CDH4: variants seen among roughly 807,000 people sequenced by gnomAD.
CDH4 encodes the protein cadherin 4.
A neutral mutation model predicts 86.0 loss-of-function variants in CDH4; 33 were observed. The observed-to-expected ratio is 0.38, with a 90% confidence interval of 0.29 to 0.51. The LOEUF (loss-of-function observed/expected upper bound fraction) is 0.51. Among genes scored for constraint, CDH4 ranks in the 20% least tolerant of loss-of-function variants. The pLI is 0.86. For synonymous variants in CDH4, 555 were observed against 549.4 expected (o/e 1.01, Z -0.14); for missense variants, 1,114 against 1,307.4 (o/e 0.85, Z 2.28).
intron 2 of CDH4, among the ~76,000 whole-genome samples, chr20:61,626,014 G>A (rs1568720110): frequency 6.6e-6 from 1 of 152,254 alleles, no homozygotes; most frequent in Non-Finnish European, 1.5e-5. Context: ...TGAGTGCTGG[G>A]CTGGCATGGG....
At chr20:61,503,198 C>T (rs1267187070) in intron 2 of CDH4, among the ~76,000 whole-genome samples, 4 of 152,222 alleles carry the variant, frequency 2.6e-5, no homozygotes, top group African/African-American at 7.2e-5. Context: ...ACGGGATATA[C>T]GTGATCAGGG....
chr20:61,590,876 TG>T (rs71185923), intron 2 of CDH4, among the ~76,000 whole-genome samples: 2,790 of 137,534 alleles, frequency 0.02, 110 homozygotes, highest in African/African-American at 0.052. Context: ...CCTAAATCTA[TG>T]GGGGGGGGGG....
At chr20:61,869,519 C>T (rs1983703985) in intron 6 of CDH4, among the ~76,000 whole-genome samples, 2 of 152,252 alleles carry the variant, frequency 1.3e-5, no homozygotes, top group Admixed American at 6.5e-5. Context: ...GACCCAGCCA[C>T]GTTCCTCGTC....
chr20:61,271,153 G>A (rs937015596), intron 2 of CDH4, among the ~76,000 whole-genome samples: 1 of 152,152 alleles, frequency 6.6e-6, no homozygotes, highest in African/African-American at 2.4e-5. Flanking sequence ...ACTCTCCAGG[G>A]TTTTAAAGGG....
intron 2 of CDH4, among the ~76,000 whole-genome samples, chr20:61,535,687 AG>A (rs2085990970): frequency 6.6e-6 from 1 of 152,028 alleles, no homozygotes; most frequent in African/African-American, 2.4e-5. Flanking sequence ...CCCTTCTGAG[AG>A]GGGGCCCGGG....
Position 61,684,369 on chromosome 20 carries a change from G to C in CDH4, c.170-59194G>C, listed in dbSNP as rs1227678407. Among the ~76,000 whole-genome samples the C allele has an allele frequency of 6.6e-6, 1 of 152,200 alleles. No homozygotes were observed. The highest frequency in any genetic ancestry group is 1.9e-4 in the East Asian group (1 of 5,194). ...GGAAGCAGCAAGCGCGGAGCACGTG[G>C]CCTCAACCTCCGTCTTGCTTATGCT... On this transcript the variant is annotated intron_variant, in intron 2 of 15. Transcript: ENST00000614565. The surrounding 1 kb of genome is among the most constrained non-coding windows in gnomAD (Gnocchi z 4.5).
Position 61,573,642 on chromosome 20 carries a change from TG to T in CDH4, c.170-169920del, listed in dbSNP as rs148493022. 7.9e-4 allele frequency among the ~76,000 whole-genome samples: 120 copies of T among 152,172 alleles called. 1 individual carries two copies. The East Asian group carries it at 0.021, about 27-fold the overall frequency. On this transcript the variant is annotated intron_variant, in intron 2 of 15. Coordinates refer to ENST00000614565, the MANE Select transcript of CDH4 (RefSeq NM_001794.5). ...CTCCTGGCTTGCAGCACAGTGGCCC[TG>T]ATGTTCCGCTGAGCAGCATGAGCCT...
chr20:61,352,683 GAT>G (rs2084719783), intron 2 of CDH4, among the ~76,000 whole-genome samples: 1 of 152,178 alleles, frequency 6.6e-6, no homozygotes, highest in Non-Finnish European at 1.5e-5. Flanking sequence ...CTTGGATGGA[GAT>G]GTTCTCTAGG....
At chr20:61,593,913 T>C (rs936812339) in intron 2 of CDH4, among the ~76,000 whole-genome samples, 2 of 150,930 alleles carry the variant, frequency 1.3e-5, no homozygotes, top group Admixed American at 1.3e-4. Context: ...GATTGGGGTT[T>C]TGTTTGCTGA....
At chr20:61,668,550 C>T (rs2087352294) in intron 2 of CDH4, among the ~76,000 whole-genome samples, 1 of 152,198 alleles carries the variant, frequency 6.6e-6, no homozygotes, top group South Asian at 2.1e-4. Context: ...CTGGGTTGTC[C>T]AGGCTGCCAG....
chr20:61,775,278 A>G (rs2088825027), intron 4 of CDH4, among the ~76,000 whole-genome samples: 1 of 152,096 alleles, frequency 6.6e-6, no homozygotes, highest in Non-Finnish European at 1.5e-5. Context: ...ATGAGGACCA[A>G]CCAGAGATTC....
intron 2 of CDH4, among the ~76,000 whole-genome samples, chr20:61,291,132 C>T (rs1258828594): frequency 6.6e-6 from 1 of 152,210 alleles, no homozygotes; most frequent in African/African-American, 2.4e-5. Context: ...GAGAACCTCT[C>T]TTTTCCAGTC....
chr20:61,438,558 G>C (rs974276329), intron 2 of CDH4, among the ~76,000 whole-genome samples: 5 of 152,182 alleles, frequency 3.3e-5, no homozygotes, highest in African/African-American at 1.2e-4. Flanking sequence ...GGGTATAATT[G>C]GTTGGCCATA....
rs1175558619 is a variant in CDH4, at chr20:61,681,501, A to G, written c.170-62062A>G. Reference sequence around the variant, plus strand: ...TTCTGAGGGGTGGGAGAATTAGACAATCCTTGGAACTTGATAACTGTGTGC... The same window carrying G: ...TTCTGAGGGGTGGGAGAATTAGACAGTCCTTGGAACTTGATAACTGTGTGC... On this transcript the variant is annotated intron_variant, in intron 2 of 15. Coordinates refer to ENST00000614565, the MANE Select transcript of CDH4 (RefSeq NM_001794.5). This position sits in a 1 kb window ranked among gnomAD's most constrained non-coding sequence, Gnocchi z 4.5. 6.6e-6 allele frequency among the ~76,000 whole-genome samples: 1 copy of G among 152,086 alleles called. No individual in the cohort carries two copies. The highest frequency in any genetic ancestry group is 2.4e-5 in the African/African-American group (1 of 41,390).
intron 2 of CDH4, among the ~76,000 whole-genome samples, chr20:61,687,928 G>C (rs1044768383): frequency 2.6e-5 from 4 of 152,174 alleles, no homozygotes; most frequent in Admixed American, 2.6e-4. Flanking sequence ...TTCTCAGCAG[G>C]AAATGAAGTC....
chr20:61,343,299 A>ATTTTTACTCAGCTTAATGTAGTATGG (rs2084658614), intron 2 of CDH4, among the ~76,000 whole-genome samples: 1 of 152,266 alleles, frequency 6.6e-6, no homozygotes, highest in Admixed American at 6.5e-5. Context: ...TTGTGACTTA[A>ATTTTTACTCAGCTTAATGTAGTATGG]GGTAAAAGAA....
rs73915071 is a variant in CDH4 at position 61,485,487 on chromosome 20, G to A, written c.169+230550G>A. Reference sequence around the variant, plus strand: ...TGGTGTTGGGTCCCGGAGATGCACAGCTGAAGAAGATCCAGCCCAGGCTCC... The same window carrying A: ...TGGTGTTGGGTCCCGGAGATGCACAACTGAAGAAGATCCAGCCCAGGCTCC... On this transcript the variant is annotated intron_variant, in intron 2 of 15. Transcript: ENST00000614565. Among the ~76,000 whole-genome samples, 1,394 of 152,318 alleles carry A rather than the reference G, an allele frequency of 9.2e-3. 24 individuals carry two copies. Among genetic ancestry groups the A allele is most frequent in the African/African-American group, 0.033 (1,355 of 41,576 alleles).
intron 2 of CDH4, among the ~76,000 whole-genome samples, chr20:61,266,075 T>C (rs2084156714): frequency 6.6e-6 from 1 of 152,112 alleles, no homozygotes; most frequent in Non-Finnish European, 1.5e-5. Flanking sequence ...TTAGGGAGGA[T>C]TAAGGTAAGC....
chr20:61,303,620 C>T (rs770860318), intron 2 of CDH4, among the ~76,000 whole-genome samples: 8 of 152,234 alleles, frequency 5.3e-5, no homozygotes, highest in Admixed American at 1.3e-4. Flanking sequence ...CTGCTCTCTC[C>T]GGTGCCAGCT....
Sources: gnomAD v4.1 joint callset for allele counts (sites outside exome capture counted in the v4.1 genomes callset) on GRCh38, gnomAD v4.1.1 for gene constraint, Gnocchi (gnomAD v3.1) non-coding constraint, MANE v1.5 for transcripts, NCBI Gene and HGNC (gene_info 2026-07-23, HGNC 2026-07-21) for gene names.